Variants in ZNF717 observed in about 807,000 individuals in gnomAD.
ZNF717 encodes zinc finger protein 717.
In ZNF717, 9 loss-of-function variants were observed where a neutral mutation model predicts 13.8. The observed-to-expected ratio is 0.65, with a 90% CI of 0.39 to 1.14. The LOEUF is 1.14. Among genes scored for constraint, ZNF717 ranks in the 50% most tolerant of loss-of-function variants. ZNF717 has a pLI of 0.01. For missense variants in ZNF717, 1,040 were observed against 1,080.7 expected (o/e 0.96, Z 0.53); for synonymous variants, 327 against 364.1 (o/e 0.90, Z 1.16).
At chr3:75,704,148 A>G (rs1293458818) in intron 6 of ZNF717, among the ~76,000 whole-genome samples, 4 of 152,302 alleles carry the variant, frequency 2.6e-5, no homozygotes, top group Admixed American at 6.5e-5. Flanking sequence ...ATAGTTACTT[A>G]TAAGTAGAGA....
chr3:75,739,936 A>C (rs1203954663), intron 4 of ZNF717, among the ~76,000 whole-genome samples: 362 of 152,214 alleles, frequency 2.4e-3, no homozygotes, highest in Non-Finnish European at 3.6e-3. Flanking sequence ...CATGTTAAAC[A>C]AAAACAGATC....
At position 75,738,385 on chromosome 3, in the gene ZNF717, T is replaced by C. The variant is rs1187850686; in HGVS notation, c.1238A>G (p.His413Arg). 3.9e-6 allele frequency: 6 copies of C among 1,539,688 alleles called. 1 individual carries two copies. The highest frequency in any genetic ancestry group is 1.4e-5 in the African/African-American group (1 of 72,736). The stretch of plus-strand genomic sequence containing the variant: ...CTTTTCCCCTGTGTGAGTTCTATGA[T>C]GTATTGTGAGGTATGACTTCTGGCT... ...TFSQKSYLTIHHRTHTGEKPY... is the reference protein window; with the variant it reads ...TFSQKSYLTIRHRTHTGEKPY... The change falls in exon 5 of 5, where the codon CAT becomes CGT. Residue 413 changes from histidine (H) to arginine (R), a missense_variant. His to Arg is a conservative substitution (Grantham distance 29). Around this residue, in one of 3 missense-constraint regions of ZNF717, gnomAD observed 873 missense variants for 832.8 expected, o/e 1.05. Transcript: ENST00000652011.
At chr3:75,721,282 ATTTAT>A (rs1426125716) in intron 4 of ZNF717, among the ~76,000 whole-genome samples, 1 of 149,500 alleles carries the variant, frequency 6.7e-6, no homozygotes, top group African/African-American at 2.4e-5. Context: ...GTTTTTGTTT[ATTTAT>A]TTATTTATTT....
downstream of ZNF717, among the ~76,000 whole-genome samples, chr3:75,728,734 C>A (rs62248829): frequency 6.6e-6 from 1 of 152,256 alleles, no homozygotes; most frequent in African/African-American, 2.4e-5. Flanking sequence ...GCCTCCCCAG[C>A]CATGCAGAGC....
intron 2 of ZNF717, among the ~76,000 whole-genome samples, chr3:75,744,223 T>TA (rs1940855139): frequency 3.3e-5 from 5 of 149,890 alleles, no homozygotes; most frequent in African/African-American, 1.2e-4. Context: ...AAAAAAATCC[T>TA]TTAACTGTGC....
rs139633377 is a variant in ZNF717 at position 75,737,092 on chromosome 3, C to T, written c.2531G>A (p.Cys844Tyr). ...RTHTGEKPFR[C>Y]NECRKTFSQK... ...GGAGAAAGTTTTCCTACATTCATTA[C>T]ATCTAAAGGGTTTTTCCCCTGTGTG... The change falls in exon 5 of 5, where the codon TGT becomes TAT. Residue 844 changes from cysteine (C) to tyrosine (Y), a missense_variant. Transcript: ENST00000652011. 6.3e-7 allele frequency: 1 copy of T among 1,586,160 alleles called. No homozygotes were observed. Among genetic ancestry groups the T allele is most frequent in the Non-Finnish European group, 8.6e-7 (1 of 1,166,132 alleles).
chr3:75,785,231 G>A (rs544317675), intron 1 of ZNF717, among the ~76,000 whole-genome samples, 153 bp downstream of exon 1: 1 of 152,314 alleles, frequency 6.6e-6, no homozygotes, highest in Admixed American at 6.5e-5. Context: ...GTTGGTAACC[G>A]GCTCCCTCAG....
intron 4 of ZNF717, among the ~76,000 whole-genome samples, chr3:75,718,362 C>T (rs62248769): frequency 3.0e-4 from 45 of 152,166 alleles, no homozygotes; most frequent in Admixed American, 1.1e-3. Flanking sequence ...TATACCGTTA[C>T]GGTCAGTAAG....
At chr3:75,758,602 G>A (rs75450957) in intron 2 of ZNF717, among the ~76,000 whole-genome samples, 1 of 152,198 alleles carries the variant, frequency 6.6e-6, no homozygotes, top group African/African-American at 2.4e-5. Flanking sequence ...TTTTGTGAAA[G>A]GGAGAGTCAA....
At chr3:75,783,980 C>A (rs1223426571) in intron 1 of ZNF717, among the ~76,000 whole-genome samples, 1 of 152,172 alleles carries the variant, frequency 6.6e-6, no homozygotes, top group Non-Finnish European at 1.5e-5. Context: ...ATAAATTGGG[C>A]TTTTCCATCT....
chr3:75,736,632 T>C lies in ZNF717; in HGVS notation c.*246A>G, dbSNP rs1372898052. The C allele has an allele frequency of 1.2e-5, 6 of 482,300 alleles. No individual in the cohort carries two copies. The highest frequency in any genetic ancestry group is 7.8e-5 in the African/African-American group (4 of 51,522). The allele number at this position is 482,300 out of a possible 1,614,324, so 29.9% of individuals were successfully genotyped here. A position where few individuals can be genotyped will look rare whatever the true frequency, so the allele number is the denominator to read the frequency against. On this transcript the variant is annotated 3_prime_UTR_variant, in exon 5 of 5. Coordinates refer to ENST00000652011, the MANE Select transcript of ZNF717 (RefSeq NM_001290208.3). ...AGAGGTGAGGAAGTTGCAGAAGAAA[T>C]GTTTGAAGCTGGCAGAGGTTGGTAT...
intron 2 of ZNF717, among the ~76,000 whole-genome samples, chr3:75,780,235 CGTGCT>C (rs1944706967): frequency 2.0e-5 from 3 of 150,508 alleles, no homozygotes; most frequent in Admixed American, 6.6e-5. Flanking sequence ...ATGGGAGTGA[CGTGCT>C]AAACCCAGAA....
chr3:75,743,599 G>C (rs1940747519), intron 2 of ZNF717, among the ~76,000 whole-genome samples: 1 of 152,216 alleles, frequency 6.6e-6, no homozygotes, highest in Non-Finnish European at 1.5e-5. Flanking sequence ...GAATGGGAAA[G>C]GGCTTAAGGG....
At position 75,751,804 on chromosome 3, in the gene ZNF717, A is replaced by G. The variant is rs1359123926; in HGVS notation, c.58-10068T>C. ...GACTGTATGAATGTTTGTCCCTCAG[A>G]TAGGATTTGAGAACACTGCTGCTGG... is the stretch of plus-strand genomic sequence containing the variant. On this transcript the variant is annotated intron_variant, in intron 2 of 4. Transcript: ENST00000652011. 3.3e-5 allele frequency among the ~76,000 whole-genome samples: 5 copies of G among 151,678 alleles called. No individual in the cohort carries two copies. In the East Asian group the frequency reaches 9.8e-4, roughly 30 times the overall value.
At chr3:75,752,809 A>T in intron 2 of ZNF717, among the ~76,000 whole-genome samples, 1 of 151,490 alleles carries the variant, frequency 6.6e-6, no homozygotes, top group South Asian at 2.1e-4. Context: ...ATTTCAGAAC[A>T]CTGCTCCTGG....
In ZNF717 at chr3:75,738,386, G is replaced by GTAT; in HGVS notation, c.1234_1236dup (p.Ile412dup). 6.5e-7 allele frequency: 1 copy of GTAT among 1,539,392 alleles called. No individual in the cohort carries two copies. On this transcript the variant is annotated inframe_insertion, in exon 5 of 5. Coordinates refer to ENST00000652011, the MANE Select transcript of ZNF717 (RefSeq NM_001290208.3). ...TTTTCCCCTGTGTGAGTTCTATGATGTATTGTGAGGTATGACTTCTGGCTA... is the reference window on the plus strand; with the variant it reads ...TTTTCCCCTGTGTGAGTTCTATGATGTATTATTGTGAGGTATGACTTCTGGCTA...
At chr3:75,726,577 G>A (rs1331518412), downstream of ZNF717, among the ~76,000 whole-genome samples, 1 of 152,260 alleles carries the variant, frequency 6.6e-6, no homozygotes, top group African/African-American at 2.4e-5. Context: ...GAAGTATGAG[G>A]TGTAGCAGAA....
intron 6 of ZNF717, among the ~76,000 whole-genome samples, chr3:75,696,892 C>CAAAAAAAAAA: frequency 1.6e-5 from 1 of 61,448 alleles, no homozygotes; most frequent in Non-Finnish European, 3.4e-5. Flanking sequence ...GACTTCATCT[C>CAAAAAAAAAA]AAAAAAAAAA....
At chr3:75,702,540 G>C (rs1233508637) in intron 6 of ZNF717, among the ~76,000 whole-genome samples, 2 of 142,562 alleles carry the variant, frequency 1.4e-5, no homozygotes, top group Non-Finnish European at 3.0e-5. Flanking sequence ...TAGAAAGAAC[G>C]AATAAGACAG....
Sources: allele counts gnomAD v4.1 joint callset (sites outside exome capture counted in the v4.1 genomes callset), GRCh38; gene constraint gnomAD v4.1.1; regional missense constraint gnomAD v4.1.1; transcripts MANE v1.5; gene names NCBI Gene and HGNC (gene_info 2026-07-23, HGNC 2026-07-21).